CCDC191: variants seen among roughly 807,000 people sequenced by gnomAD.
The protein encoded by CCDC191 is coiled-coil domain-containing protein 191.
Under a neutral mutation model 114.0 loss-of-function variants are expected in CCDC191, and 99 were observed. The ratio of observed to expected loss-of-function variants is 0.87; its 90% confidence interval spans 0.74 to 1.03. CCDC191 has a LOEUF of 1.03. CCDC191 is among the 50% of genes least tolerant of loss of function. CCDC191 has a pLI of 0.00. For synonymous variants in CCDC191, 351 were observed against 376.0 expected (o/e 0.93, Z 0.77); for missense variants, 973 against 1,087.0 (o/e 0.90, Z 1.47).
intron 2 of CCDC191, among the ~76,000 whole-genome samples, chr3:114,051,482 C>T (rs889490048): frequency 3.3e-5 from 5 of 152,198 alleles, no homozygotes; most frequent in Non-Finnish European, 7.3e-5. Flanking sequence ...AATCCCAGCA[C>T]TTTGGGAGGC....
intron 7 of CCDC191, among the ~76,000 whole-genome samples, chr3:114,028,448 G>A (rs924711680): frequency 3.3e-5 from 5 of 151,758 alleles, no homozygotes; most frequent in African/African-American, 1.2e-4. Context: ...ACCATGCCTG[G>A]CTAATTTTTT....
chr3:114,031,044 T>A (rs1444587327), intron 7 of CCDC191, among the ~76,000 whole-genome samples: 1 of 152,188 alleles, frequency 6.6e-6, no homozygotes, highest in Non-Finnish European at 1.5e-5. Flanking sequence ...AGAAAACTGC[T>A]TAAGTAACCT....
At chr3:114,055,266 A>G (rs1281329608) in intron 1 of CCDC191, among the ~76,000 whole-genome samples, 1 of 152,208 alleles carries the variant, frequency 6.6e-6, no homozygotes, top group African/African-American at 2.4e-5. Context: ...AATGAGCACT[A>G]GCAGCAAAAA....
At chr3:113,971,252 G>A (rs957625153) in intron 16 of CCDC191, among the ~76,000 whole-genome samples, 11 of 152,120 alleles carry the variant, frequency 7.2e-5, no homozygotes, top group Middle Eastern at 3.4e-3. Flanking sequence ...TTTAATGATC[G>A]CCATTCTAAC....
Position 114,004,733 on chromosome 3 carries a change from A to C in CCDC191, c.1882T>G (p.Ser628Ala), listed in dbSNP as rs753785543. 6 of 1,609,638 alleles carry C rather than the reference A, an allele frequency of 3.7e-6. No homozygotes were observed. The highest frequency in any genetic ancestry group is 5.1e-6 in the Non-Finnish European group (6 of 1,178,472). ...CQMLVNSPVA[S>A]PGTEGRSDSR... is the part of the protein sequence containing the mutation. ...TCACTTCTGCCTTCAGTCCCAGGGG[A>C]AGCAACAGGTGAACTAGGGAAAAAA... Residue 628 changes from serine (S) to alanine (A), a missense_variant, in exon 11 of 17, where the codon TCC (serine) becomes GCC (alanine). Coordinates refer to ENST00000295878, the MANE Select transcript of CCDC191 (RefSeq NM_020817.2).
chr3:113,987,994 A>G (rs1011660278), intron 13 of CCDC191, among the ~76,000 whole-genome samples: 3 of 151,718 alleles, frequency 2.0e-5, no homozygotes, highest in Non-Finnish European at 2.9e-5. Flanking sequence ...GTGAGCCAAG[A>G]TCATGCCACT....
intron 16 of CCDC191, among the ~76,000 whole-genome samples, chr3:113,965,761 T>A (rs952240018): frequency 8.6e-5 from 13 of 151,980 alleles, no homozygotes; most frequent in African/African-American, 2.7e-4. Flanking sequence ...GGCTAATTTT[T>A]TTTTTGTATT....
chr3:114,003,625 T>C (rs1429350390), intron 11 of CCDC191: 26 of 985,154 alleles, frequency 2.6e-5, no homozygotes, highest in Non-Finnish European at 3.0e-5. Flanking sequence ...CAAACAATAA[T>C]TTTAAAAAAA....
At chr3:113,980,816 ATGCTATGATC>A in intron 13 of CCDC191, 23 bp from the exon 14 acceptor site, 1 of 1,587,150 alleles carries the variant, frequency 6.3e-7, no homozygotes, top group Admixed American at 1.9e-5. Context: ...AAAAAGCAAA[ATGCTATGATC>A]AAAAAACGAA....
rs1399855485 is a variant in CCDC191, at chr3:114,036,637, G to A, written c.565C>T (p.Arg189Cys). The A allele has an allele frequency of 6.2e-6, 10 of 1,600,496 alleles. No individual in the cohort carries two copies. Among genetic ancestry groups the A allele is most frequent in the South Asian group, 1.1e-5 (1 of 89,460 alleles). ...NQDKKQQKDP[R>C]LTMEMRHKQV... Reference sequence around the variant, plus strand: ...TTATGTCTCATCTCCATGGTAAGACGAGGATCCTTCTGCTGCTTCTTGTCT... The same window carrying A: ...TTATGTCTCATCTCCATGGTAAGACAAGGATCCTTCTGCTGCTTCTTGTCT... Residue 189 changes from arginine (R) to cysteine (C), a missense_variant, in exon 5 of 17, where the codon CGT becomes TGT. Transcript: ENST00000295878.
At chr3:114,003,260 G>A (rs2075887903) in intron 11 of CCDC191, 1 of 985,372 alleles carries the variant, frequency 1.0e-6, no homozygotes, top group Non-Finnish European at 1.2e-6. Flanking sequence ...GGCATGGATG[G>A]GAGGAGTATC....
At chr3:113,990,357 T>C (rs1237197491) in intron 13 of CCDC191, among the ~76,000 whole-genome samples, 3 of 152,016 alleles carry the variant, frequency 2.0e-5, no homozygotes, top group African/African-American at 4.8e-5. Flanking sequence ...TCAAATTTCC[T>C]GAAATATACA....
intron 4 of CCDC191, among the ~76,000 whole-genome samples, chr3:114,038,450 A>G (rs905260760): frequency 1.3e-5 from 2 of 152,196 alleles, no homozygotes; most frequent in Non-Finnish European, 2.9e-5. Flanking sequence ...GTATAAACAA[A>G]ACAACTACAC....
chr3:114,001,590 C>T lies in CCDC191; in HGVS notation c.2163+5G>A. ...ACAGGGACTGACCAAATAGACAATA[C>T]TAACCATTTTCTTCAGTCTCTTCTC... On this transcript the variant is annotated splice_donor_5th_base_variant and intron_variant, in intron 13 of 16. Transcript: ENST00000295878. The T allele has an allele frequency of 2.5e-6, 4 of 1,613,568 alleles. No individual in the cohort carries two copies. Among genetic ancestry groups the T allele is most frequent in the Non-Finnish European group, 3.4e-6 (4 of 1,179,632 alleles).
chr3:114,032,720 T>A (rs1420067270), intron 6 of CCDC191, among the ~76,000 whole-genome samples: 1 of 152,202 alleles, frequency 6.6e-6, no homozygotes, highest in Non-Finnish European at 1.5e-5. Context: ...TTATTGGTAA[T>A]GTTAACCTTC....
At chr3:114,001,431 C>A (rs1477297828) in intron 13 of CCDC191, among the ~76,000 whole-genome samples, 164 bp downstream of exon 13, 1 of 152,122 alleles carries the variant, frequency 6.6e-6, no homozygotes, top group Non-Finnish European at 1.5e-5. Flanking sequence ...TAGCTGAAAT[C>A]TGAAGAATGA....
intron 2 of CCDC191, among the ~76,000 whole-genome samples, chr3:114,048,937 A>G (rs1046640399): frequency 6.6e-6 from 1 of 152,216 alleles, no homozygotes; most frequent in African/African-American, 2.4e-5. Flanking sequence ...TCCGATATTT[A>G]TATTGTCACC....
At chr3:114,051,320 T>A (rs1355940319) in intron 2 of CCDC191, among the ~76,000 whole-genome samples, 2 of 152,204 alleles carry the variant, frequency 1.3e-5, no homozygotes, top group Admixed American at 1.3e-4. Flanking sequence ...CCTTTCCTAC[T>A]CAGTGTGGAT....
chr3:113,979,890 G>T (rs1253827004), intron 14 of CCDC191, among the ~76,000 whole-genome samples: 1 of 152,166 alleles, frequency 6.6e-6, no homozygotes, highest in African/African-American at 2.4e-5. Context: ...GGATAAATTT[G>T]TTAGGGAAAT....
Sources: allele counts gnomAD v4.1 joint callset (sites outside exome capture counted in the v4.1 genomes callset), GRCh38; gene constraint gnomAD v4.1.1; transcripts MANE v1.5; gene names NCBI Gene and HGNC (gene_info 2026-07-23, HGNC 2026-07-21).